The following PTPRM variants were observed in gnomAD, a reference collection of about 807,000 sequenced individuals.
PTPRM encodes protein tyrosine phosphatase receptor type M, also known as receptor-type tyrosine-protein phosphatase mu.
PTPRM carries 47 observed loss-of-function variants against 186.7 expected under a neutral mutation model. The ratio of observed to expected loss-of-function variants is 0.25; its 90% CI spans 0.20 to 0.32. The LOEUF (loss-of-function observed/expected upper bound fraction) is 0.32. Among genes scored for constraint, PTPRM ranks in the 10% least tolerant of loss-of-function variants. The pLI, the probability that PTPRM is intolerant of heterozygous loss-of-function variation, is 1.00. For missense variants in PTPRM, 1,494 were observed against 1,865.0 expected, an observed-to-expected ratio of 0.80 and a Z score of 3.66; for synonymous variants, 668 against 674.9, an observed-to-expected ratio of 0.99 and a Z score of 0.16.
chr18:8,255,444 A>C (rs576232242), intron 19 of PTPRM, among the ~76,000 whole-genome samples: 3 of 152,336 alleles, frequency 2.0e-5, no homozygotes, highest in African/African-American at 7.2e-5. Context: ...TATAAGTATA[A>C]ACTGAAATAT....
chr18:7,900,539 T>C (rs1372819773), intron 3 of PTPRM, among the ~76,000 whole-genome samples: 1 of 152,016 alleles, frequency 6.6e-6, no homozygotes, highest in Non-Finnish European at 1.5e-5. Flanking sequence ...ATCTATACAT[T>C]AAAAGGTGTG....
At chr18:7,769,469 A>C (rs908287140) in intron 1 of PTPRM, among the ~76,000 whole-genome samples, 2 of 152,164 alleles carry the variant, frequency 1.3e-5, no homozygotes, top group Non-Finnish European at 2.9e-5. Context: ...GATACTGTAA[A>C]TTTATGATCA....
At chr18:8,051,803 C>G (rs1000522831) in intron 7 of PTPRM, among the ~76,000 whole-genome samples, 1 of 152,142 alleles carries the variant, frequency 6.6e-6, no homozygotes, top group Non-Finnish European at 1.5e-5. Context: ...CATTTCTGCA[C>G]ATGTCTCCTG....
At chr18:8,362,512 C>G (rs2095603114) in intron 23 of PTPRM, among the ~76,000 whole-genome samples, 1 of 152,138 alleles carries the variant, frequency 6.6e-6, no homozygotes, top group South Asian at 2.1e-4. Flanking sequence ...TGACTGCTTC[C>G]TGCTGCTGTC....
chr18:8,043,462 A>G (rs557400714), intron 7 of PTPRM, among the ~76,000 whole-genome samples: 88 of 152,168 alleles, frequency 5.8e-4, no homozygotes, highest in African/African-American at 2.0e-3. Flanking sequence ...ATTTGGTCCT[A>G]TGGTAGTATC....
intron 13 of PTPRM, among the ~76,000 whole-genome samples, chr18:8,119,228 T>C (rs1414658560): frequency 1.3e-5 from 2 of 152,198 alleles, no homozygotes; most frequent in African/African-American, 4.8e-5. Flanking sequence ...TGTCCTGATA[T>C]AATTTCTAGA....
chr18:7,990,435 T>C (rs1306848628), intron 7 of PTPRM, among the ~76,000 whole-genome samples: 36 of 152,236 alleles, frequency 2.4e-4, no homozygotes, highest in Admixed American at 2.4e-3. Flanking sequence ...TTGGATAATG[T>C]CATAAATAGA....
At chr18:7,845,299 A>G (rs557454636) in intron 2 of PTPRM, among the ~76,000 whole-genome samples, 1 of 152,326 alleles carries the variant, frequency 6.6e-6, no homozygotes, top group South Asian at 2.1e-4. Flanking sequence ...GTTGCATTTC[A>G]TGAGCTTGCA....
chr18:7,640,439 G>A (rs2038418135), intron 1 of PTPRM, among the ~76,000 whole-genome samples: 1 of 152,098 alleles, frequency 6.6e-6, no homozygotes, highest in Non-Finnish European at 1.5e-5. Context: ...TTGTGTATTA[G>A]GATGCTTTTG....
At chr18:7,778,538 T>A (rs1475467134) in intron 2 of PTPRM, among the ~76,000 whole-genome samples, 1 of 152,164 alleles carries the variant, frequency 6.6e-6, no homozygotes, top group African/African-American at 2.4e-5. Context: ...TTCAGATCAC[T>A]GCAACCTCTG....
At chr18:8,289,556 A>G (rs2095011264) in intron 19 of PTPRM, among the ~76,000 whole-genome samples, 2 of 104,026 alleles carry the variant, frequency 1.9e-5, no homozygotes, top group African/African-American at 4.4e-5. Context: ...ATATACATAT[A>G]TATACACATA....
At chr18:8,056,853 G>A (rs1428435131) in intron 7 of PTPRM, among the ~76,000 whole-genome samples, 1 of 151,918 alleles carries the variant, frequency 6.6e-6, no homozygotes, top group African/African-American at 2.4e-5. Context: ...CAAGTCAGCA[G>A]TCTTACTTTT....
At chr18:7,601,168 T>C (rs1598494913) in intron 1 of PTPRM, among the ~76,000 whole-genome samples, 1 of 152,252 alleles carries the variant, frequency 6.6e-6, no homozygotes. Flanking sequence ...AAACTGGCTG[T>C]TGTATCCAAA....
intron 2 of PTPRM, among the ~76,000 whole-genome samples, chr18:7,883,479 A>G (rs2146302994): frequency 6.6e-6 from 1 of 152,300 alleles, no homozygotes; most frequent in South Asian, 2.1e-4. Flanking sequence ...ATAAAAACGA[A>G]CTAAGAAGCA....
intron 24 of PTPRM, among the ~76,000 whole-genome samples, chr18:8,375,322 G>A (rs1272274144): frequency 6.6e-6 from 1 of 152,142 alleles, no homozygotes; most frequent in African/African-American, 2.4e-5. Context: ...GCCACAAGCA[G>A]ACTGTGACAG....
At chr18:7,935,146 G>A (rs1008540828) in intron 5 of PTPRM, among the ~76,000 whole-genome samples, 2 of 151,988 alleles carry the variant, frequency 1.3e-5, no homozygotes, top group African/African-American at 2.4e-5. Context: ...AGCTTAACTT[G>A]GGTATTTTAT....
At chr18:7,601,629 G>C (rs539559709) in intron 1 of PTPRM, among the ~76,000 whole-genome samples, 1 of 152,278 alleles carries the variant, frequency 6.6e-6, no homozygotes, top group Admixed American at 6.5e-5. Flanking sequence ...CTCTTTTAAG[G>C]ATCTTTGTCA....
chr18:7,745,386 T>G (rs976028544), intron 1 of PTPRM, among the ~76,000 whole-genome samples: 2 of 152,198 alleles, frequency 1.3e-5, no homozygotes, highest in Non-Finnish European at 2.9e-5. Context: ...ACTGAGTGTC[T>G]CAGCCTCTCA....
At chr18:7,782,274 TC>T (rs2076791465) in intron 2 of PTPRM, among the ~76,000 whole-genome samples, 1 of 151,960 alleles carries the variant, frequency 6.6e-6, no homozygotes, top group East Asian at 1.9e-4. Flanking sequence ...GAGGGAGGGT[TC>T]TTCCCATGAG....
Sources: allele counts gnomAD v4.1 joint callset (sites outside exome capture counted in the v4.1 genomes callset), GRCh38; gene constraint gnomAD v4.1.1; transcripts MANE v1.5; gene names NCBI Gene and HGNC (gene_info 2026-07-23, HGNC 2026-07-21).